Variants in BIRC6 observed in about 807,000 individuals in gnomAD.
BIRC6 encodes baculoviral IAP repeat containing 6, also known as dual E2 ubiquitin-conjugating enzyme/E3 ubiquitin-protein ligase BIRC6.
In BIRC6, 98 loss-of-function variants were observed where a neutral mutation model predicts 503.3. The ratio of observed to expected loss-of-function variants is 0.19; its 90% CI spans 0.17 to 0.23. The LOEUF (loss-of-function observed/expected upper bound fraction) is 0.23, where lower values mean the gene tolerates loss of function less well. Among genes scored for constraint, BIRC6 ranks in the 10% least tolerant of loss-of-function variants. The pLI is 1.00. For missense variants in BIRC6, 5,360 were observed against 5,806.0 expected (o/e 0.92, Z 2.50); for synonymous variants, 2,240 against 2,078.7 (o/e 1.08, Z -2.11).
rs747570125 is a variant in BIRC6 at position 32,503,204 on chromosome 2, A to G, written c.9467A>G (p.Asn3156Ser). ...KTRILASEPD[N>S]AEGIHNFAPL... ...AGAATACTAGCTTCTGAGCCTGACA[A>G]TGCTGAAGGGATTCATAACTTTGCA... Residue 3156 changes from asparagine (N) to serine (S), a missense_variant, in exon 49 of 74, where the codon AAT becomes AGT. Asn to Ser is a conservative substitution (Grantham distance 46). Coordinates refer to ENST00000421745, the MANE Select transcript of BIRC6 (RefSeq NM_016252.4). The G allele has an allele frequency of 3.2e-5, 51 of 1,611,174 alleles. No homozygotes were observed. Among genetic ancestry groups the G allele is most frequent in the Middle Eastern group, 1.7e-4 (1 of 6,056 alleles).
At chr2:32,362,569 C>T (rs1254654832) in intron 1 of BIRC6, among the ~76,000 whole-genome samples, 4 of 151,940 alleles carry the variant, frequency 2.6e-5, no homozygotes, top group East Asian at 1.9e-4. Flanking sequence ...CTGCCTGCCT[C>T]GGCCTCCCAA....
intron 9 of BIRC6, among the ~76,000 whole-genome samples, chr2:32,407,445 CAAAA>C (rs760585710): frequency 2.9e-5 from 2 of 69,808 alleles, no homozygotes; most frequent in Non-Finnish European, 3.0e-5. Context: ...AACTCTGTCT[CAAAA>C]AAAAAAAAAA....
intron 61 of BIRC6, among the ~76,000 whole-genome samples, chr2:32,537,157 G>C (rs934081971): frequency 6.6e-6 from 1 of 152,054 alleles, no homozygotes; most frequent in African/African-American, 2.4e-5. Context: ...AGGAGATTTT[G>C]GGCTGAGACG....
At chr2:32,463,127 T>G in intron 23 of BIRC6, 67 bp from the exon 24 acceptor site, 1 of 1,328,380 alleles carries the variant, frequency 7.5e-7, no homozygotes. Flanking sequence ...TTGAACATGT[T>G]TTGTCTTTAA....
chr2:32,567,352 A>G (rs558983027), intron 65 of BIRC6, among the ~76,000 whole-genome samples: 3 of 152,324 alleles, frequency 2.0e-5, no homozygotes, highest in East Asian at 1.9e-4. Context: ...GCTTGTATTT[A>G]TAAAACAGAA....
chr2:32,583,400 G>A (rs1559103829), intron 66 of BIRC6, among the ~76,000 whole-genome samples: 2 of 152,134 alleles, frequency 1.3e-5, no homozygotes, highest in Admixed American at 1.3e-4. Context: ...TAACTGCATG[G>A]TGTTAAGTGT....
Position 32,401,548 on chromosome 2 carries a change from A to C in BIRC6, c.1343A>C (p.Asp448Ala). 6.2e-7 allele frequency: 1 copy of C among 1,614,024 alleles called. No homozygotes were observed. The highest frequency in any genetic ancestry group is 2.2e-5 in the East Asian group (1 of 44,890). Residue 448 changes from aspartate to alanine, a missense_variant, in exon 8 of 74, where the codon GAT (aspartate) becomes GCT (alanine). Physicochemically the swap from Asp to Ala is moderately radical, Grantham distance 126 (BLOSUM62 -2). Coordinates refer to ENST00000421745, the MANE Select transcript of BIRC6 (RefSeq NM_016252.4). ...ILSGDPSSGV[D>A]SRRPTLAWLE... ...TCAGGAGACCCAAGCTCAGGAGTTG[A>C]TTCAAGGAGACCAACTTTGGCGTGG...
intron 32 of BIRC6, 75 bp downstream of exon 32, chr2:32,471,199 C>A: frequency 6.6e-7 from 1 of 1,523,700 alleles, no homozygotes; most frequent in Non-Finnish European, 8.9e-7. Context: ...TGAGTGACTT[C>A]GCAGTTGTTC....
At chr2:32,572,071 C>T (rs1321670174) in intron 65 of BIRC6, among the ~76,000 whole-genome samples, 1 of 152,150 alleles carries the variant, frequency 6.6e-6, no homozygotes, top group Non-Finnish European at 1.5e-5. Flanking sequence ...CTTTATTCCA[C>T]TGTGGTCTTG....
intron 2 of BIRC6, 56 bp downstream of exon 2, chr2:32,377,825 TA>T (rs2037031348): frequency 7.1e-7 from 1 of 1,406,748 alleles, no homozygotes; most frequent in Non-Finnish European, 9.5e-7. Context: ...TTAGACATAT[TA>T]GATGTTAAAT....
chr2:32,579,013 A>AT (rs370261214), intron 66 of BIRC6, among the ~76,000 whole-genome samples: 1 of 45,274 alleles, frequency 2.2e-5, no homozygotes, highest in African/African-American at 1.2e-4. Flanking sequence ...ATATATACCT[A>AT]ATATATATAT....
chr2:32,415,308 G>T lies in BIRC6; in HGVS notation c.2017G>T (p.Asp673Tyr). 6.2e-7 allele frequency: 1 copy of T among 1,614,038 alleles called. No individual in the cohort carries two copies. The highest frequency in any genetic ancestry group is 8.5e-7 in the Non-Finnish European group (1 of 1,179,890). ...TCCACAGATTATTGAAATGGAGCTG[G>T]ATAGTCAGGAGCAGTTGTTATTGCA... ...TVPQIIEMEL[D>Y]SQEQLLLQDP... Residue 673 changes from aspartate (D) to tyrosine (Y), a missense_variant, in exon 10 of 74, where the codon GAT becomes TAT. Coordinates refer to ENST00000421745, the MANE Select transcript of BIRC6 (RefSeq NM_016252.4).
At chr2:32,491,378 T>C (rs765681804) in intron 43 of BIRC6, 47 bp from the exon 44 acceptor site, 1 of 1,513,828 alleles carries the variant, frequency 6.6e-7, no homozygotes, top group Non-Finnish European at 8.9e-7. Context: ...GCATTTCCAT[T>C]ATTTCATGGT....
At position 32,535,150 on chromosome 2, in the gene BIRC6, C is replaced by CAAAAAAAAAA. The variant is rs1158856665; in HGVS notation, c.12291+3616_12291+3625dup. ...ACAAGACCTCATACCCCCAAAAAAG[C>CAAAAAAAAAA]AAAAAAAAAAAAAAAAAAAAAAAAA... On this transcript the variant is annotated intron_variant, in intron 61 of 73. Transcript: ENST00000421745. Among the ~76,000 whole-genome samples the CAAAAAAAAAA allele has an allele frequency of 4.3e-3, 31 of 7,276 alleles. 3 individuals are homozygous for CAAAAAAAAAA. The highest frequency in any genetic ancestry group is 0.015 in the East Asian group (3 of 200). The allele number at this position is 7,276 out of a possible 152,430, so 4.8% of individuals were successfully genotyped here.
At position 32,545,464 on chromosome 2, in the gene BIRC6, T is replaced by C. The variant is rs1201252417; in HGVS notation, c.12593-179T>C. ...CCGTGTCTGACAGAGTTTTTCCTGATACTTATTCGTTATTAAATTTTAAGA... is the reference window on the plus strand; with the variant it reads ...CCGTGTCTGACAGAGTTTTTCCTGACACTTATTCGTTATTAAATTTTAAGA... On this transcript the variant is annotated intron_variant, in intron 62 of 73. Coordinates refer to ENST00000421745, the MANE Select transcript of BIRC6 (RefSeq NM_016252.4). 2.6e-5 allele frequency among the ~76,000 whole-genome samples: 4 copies of C among 152,250 alleles called. No homozygotes were observed. In the East Asian group the frequency reaches 5.8e-4, roughly 22 times the overall value.
At position 32,401,274 on chromosome 2, in the gene BIRC6, G is replaced by C; in HGVS notation, c.1146G>C (p.Thr382=). 1 of 1,613,994 alleles carries C rather than the reference G, an allele frequency of 6.2e-7. No individual in the cohort carries two copies. The highest frequency in any genetic ancestry group is 1.1e-5 in the South Asian group (1 of 91,090). ...LATSPAQFPC[T]DGTDRISCFG... The stretch of plus-strand genomic sequence containing the variant: ...CAAGTCCTGCACAGTTTCCTTGTAC[G>C]GATGGAACTGACAGAATATCTTGCT... The change falls in exon 7 of 74, where the codon ACG becomes ACC. Residue 382 remains threonine (T), a synonymous_variant. Coordinates refer to ENST00000421745, the MANE Select transcript of BIRC6 (RefSeq NM_016252.4).
At chr2:32,368,371 T>A (rs907647530) in intron 1 of BIRC6, among the ~76,000 whole-genome samples, 15 of 151,914 alleles carry the variant, frequency 9.9e-5, no homozygotes, top group African/African-American at 3.6e-4. Context: ...GAACCTTGTC[T>A]CTACTAAACG....
intron 66 of BIRC6, among the ~76,000 whole-genome samples, chr2:32,582,863 A>G (rs867213407): frequency 1.2e-4 from 18 of 152,304 alleles, no homozygotes; most frequent in South Asian, 4.1e-4. Context: ...CTCTTATTAT[A>G]GAGTTTTCAC....
intron 1 of BIRC6, among the ~76,000 whole-genome samples, chr2:32,364,215 C>T (rs977032028): frequency 1.3e-5 from 2 of 152,076 alleles, no homozygotes; most frequent in African/African-American, 4.8e-5. Flanking sequence ...ATCTGTGTTG[C>T]AGTGAAGAAG....
Sources: allele counts gnomAD v4.1 joint callset (sites outside exome capture counted in the v4.1 genomes callset), GRCh38; gene constraint gnomAD v4.1.1; transcripts MANE v1.5; gene names NCBI Gene and HGNC (gene_info 2026-07-23, HGNC 2026-07-21).